Variants in THADA observed in about 807,000 individuals in gnomAD.
THADA encodes tRNA (32-2'-O)-methyltransferase regulator THADA.
A neutral mutation model predicts 219.8 loss-of-function variants in THADA; 213 were observed. That is an observed-to-expected ratio of 0.97 (90% CI 0.87 to 1.09). The LOEUF (loss-of-function observed/expected upper bound fraction) is 1.09, where lower values mean the gene tolerates loss of function less well. Ranked by LOEUF, THADA falls within the 50% of genes least tolerant of loss-of-function variation. THADA has a pLI of 0.00. For synonymous variants in THADA, 1,018 were observed against 828.9 expected (o/e 1.23, Z -3.92); for missense variants, 2,956 against 2,311.3 (o/e 1.28, Z -5.72).
In THADA at chr2:43,361,067, G is replaced by C. The variant is rs1669465387; in HGVS notation, c.4228-16830C>G. On this transcript the variant is annotated intron_variant, in intron 29 of 37. Transcript: ENST00000405975. The stretch of plus-strand genomic sequence containing the variant: ...ACCAGCATCTACCACAACTGAAAGG[G>C]GGTGCTACCAGTAGACAGAGGCCAG... Among the ~76,000 whole-genome samples, 4 of 150,904 alleles carry C rather than the reference G, an allele frequency of 2.7e-5. No individual in the cohort carries two copies. The South Asian group carries it at 8.3e-4, about 31-fold the overall frequency.
At chr2:43,394,482 G>A (rs887633820) in intron 29 of THADA, among the ~76,000 whole-genome samples, 1 of 152,122 alleles carries the variant, frequency 6.6e-6, no homozygotes, top group Non-Finnish European at 1.5e-5. Flanking sequence ...TCCTGCTTTT[G>A]AAAAAAATAA....
Position 43,232,786 on chromosome 2 carries a change from C to A in THADA, c.5393G>T (p.Gly1798Val), listed in dbSNP as rs868598200. 1.9e-6 allele frequency: 3 copies of A among 1,613,536 alleles called. No individual in the cohort carries two copies. The African/African-American group carries it at 4.0e-5, about 22-fold the overall frequency. ...CAGCCATCCCAGCAGGATGGGCAGT[C>A]CAGGGGCCAACTGGTCCCACTGCTG... ...LLQQWDQLAPGLPILLGWLLG... is the reference protein window; with the variant it reads ...LLQQWDQLAPVLPILLGWLLG... The change falls in exon 37 of 38, where the codon GGA becomes GTA. Residue 1798 changes from glycine to valine, a missense_variant. Physicochemically the swap from Gly to Val is moderately radical, Grantham distance 109. Transcript: ENST00000405975.
intron 25 of THADA, among the ~76,000 whole-genome samples, chr2:43,497,184 T>A (rs1318092538): frequency 6.6e-6 from 1 of 152,208 alleles, no homozygotes; most frequent in African/African-American, 2.4e-5. Context: ...ATGCCATTAC[T>A]GGATATATAC....
chr2:43,489,874 C>CAAAAAAAAAAAAAGAAAAAA (rs1687407317), intron 25 of THADA, among the ~76,000 whole-genome samples: 1 of 56,088 alleles, frequency 1.8e-5, no homozygotes, highest in Non-Finnish European at 3.8e-5. Flanking sequence ...TTAAGATCTG[C>CAAAAAAAAAAAAAGAAAAAA]AAAAAAAAAA....
chr2:43,287,218 G>A (rs1674137338), intron 34 of THADA, among the ~76,000 whole-genome samples, 157 bp from the exon 35 acceptor site: 1 of 152,232 alleles, frequency 6.6e-6, no homozygotes, highest in Non-Finnish European at 1.5e-5. Context: ...CAACTAGAGA[G>A]AAATATGCCC....
intron 26 of THADA, among the ~76,000 whole-genome samples, chr2:43,457,390 C>T (rs1211316357): frequency 6.6e-6 from 1 of 152,110 alleles, no homozygotes; most frequent in Non-Finnish European, 1.5e-5. Flanking sequence ...GAAAAGGAAA[C>T]CGTATTTCTC....
At chr2:43,581,536 T>A (rs1228973779) in intron 8 of THADA, among the ~76,000 whole-genome samples, 3 of 133,932 alleles carry the variant, frequency 2.2e-5, no homozygotes, top group Non-Finnish European at 4.6e-5. Flanking sequence ...ACAGTGAGAT[T>A]CGGTCTCAAA....
intron 28 of THADA, among the ~76,000 whole-genome samples, chr2:43,407,992 G>T (rs1675790242): frequency 6.6e-6 from 1 of 152,154 alleles, no homozygotes; most frequent in South Asian, 2.1e-4. Flanking sequence ...TCAATGGCTG[G>T]AATGCATATT....
At chr2:43,402,823 G>A (rs558158556) in intron 28 of THADA, among the ~76,000 whole-genome samples, 1 of 152,344 alleles carries the variant, frequency 6.6e-6, no homozygotes, top group Admixed American at 6.5e-5. Flanking sequence ...GGGAGTACTA[G>A]TCTAGGTGAT....
intron 26 of THADA, among the ~76,000 whole-genome samples, chr2:43,432,066 C>T (rs1432234494): frequency 7.4e-6 from 1 of 134,410 alleles, no homozygotes; most frequent in Non-Finnish European, 1.5e-5. Context: ...CCGTTTTAGC[C>T]GGGATGGTCT....
intron 29 of THADA, among the ~76,000 whole-genome samples, chr2:43,393,193 C>T (rs1287565681): frequency 6.6e-6 from 1 of 152,180 alleles, no homozygotes; most frequent in Non-Finnish European, 1.5e-5. Flanking sequence ...GTCGCAGCTT[C>T]CCTGGGTTTC....
At chr2:43,515,298 A>T (rs1388224639) in intron 22 of THADA, among the ~76,000 whole-genome samples, 6 of 18,462 alleles carry the variant, frequency 3.2e-4, no homozygotes, top group Admixed American at 1.7e-3. Flanking sequence ...TATAATATAT[A>T]ATATGTAATA....
At position 43,574,565 on chromosome 2, in the gene THADA, G is replaced by A. The variant is rs1422845268; in HGVS notation, c.1500C>T (p.Thr500=). 2 of 1,613,954 alleles carry A rather than the reference G, an allele frequency of 1.2e-6. No individual in the cohort carries two copies. Among genetic ancestry groups the A allele is most frequent in the Admixed American group, 3.3e-5 (2 of 60,018 alleles). ...AATGACTCTTATGATTTCTAAACAT[G>A]GTTTCCAAGAGGTCACTTGCATAAG... The part of the protein sequence containing the change: ...LVPYASDLLE[T]MFRNHKSHLK... The change falls in exon 11 of 38, where the codon ACC becomes ACT. Residue 500 remains threonine (T), a synonymous_variant. Coordinates refer to ENST00000405975, the MANE Select transcript of THADA (RefSeq NM_022065.5).
At position 43,519,117 on chromosome 2, in the gene THADA, T is replaced by C. The variant is rs191027775; in HGVS notation, c.3374+8762A>G. Among the ~76,000 whole-genome samples, 114 of 152,210 alleles carry C rather than the reference T, an allele frequency of 7.5e-4. 1 individual carries two copies. Among genetic ancestry groups the C allele is most frequent in the African/African-American group, 2.6e-3 (107 of 41,526 alleles). On this transcript the variant is annotated intron_variant, in intron 22 of 37. Coordinates refer to ENST00000405975, the MANE Select transcript of THADA (RefSeq NM_022065.5). ...CAGTTCAGTGAGCGGATCTTTGTCT[T>C]GGTCTTTAACGTCTGTCTTGTAAAT...
intron 29 of THADA, among the ~76,000 whole-genome samples, chr2:43,396,541 C>G (rs1674061384): frequency 2.0e-5 from 3 of 152,150 alleles, no homozygotes; most frequent in Admixed American, 2.0e-4. Context: ...TGACTCATGT[C>G]CATAATCCCA....
At chr2:43,417,134 CTAAACT>C (rs1487090176) in intron 28 of THADA, among the ~76,000 whole-genome samples, 1 of 142,456 alleles carries the variant, frequency 7.0e-6, no homozygotes, top group Non-Finnish European at 1.5e-5. Flanking sequence ...AAAGTACACT[CTAAACT>C]TAAATTCTTA....
chr2:43,561,016 CAAAAAAA>C (rs3042329), intron 15 of THADA, among the ~76,000 whole-genome samples: 46 of 92,344 alleles, frequency 5.0e-4, no homozygotes, highest in Admixed American at 1.4e-3. Context: ...GACTTGGTCT[CAAAAAAA>C]AAAAAAAAAA....
rs766861546 is a variant in THADA at position 43,296,935 on chromosome 2, G to T, written c.4439-3722C>A. On this transcript the variant is annotated intron_variant, in intron 31 of 37. Transcript: ENST00000405975. ...CTGCCTTGGCCTCCCAAAGTGCCGA[G>T]ATTGCAGCCTCTGCCCGGCCGCCAC... 1.3e-3 allele frequency among the ~76,000 whole-genome samples: 198 copies of T among 149,366 alleles called. 1 individual carries two copies. Among genetic ancestry groups the T allele is most frequent in the Non-Finnish European group, 1.8e-3 (122 of 67,246 alleles).
chr2:43,276,822 G>A (rs576635877), intron 36 of THADA, among the ~76,000 whole-genome samples: 1 of 152,148 alleles, frequency 6.6e-6, no homozygotes, highest in East Asian at 1.9e-4. Context: ...TCACTTCCTG[G>A]AATGCCACAG....
Sources: gnomAD v4.1 joint callset for allele counts (sites outside exome capture counted in the v4.1 genomes callset) on GRCh38, gnomAD v4.1.1 for gene constraint, MANE v1.5 for transcripts, NCBI Gene and HGNC (gene_info 2026-07-23, HGNC 2026-07-21) for gene names.